Variants in GRIA2 observed in about 807,000 individuals in gnomAD.
GRIA2 encodes the protein glutamate ionotropic receptor AMPA type subunit 2.
A neutral mutation model predicts 97.3 loss-of-function variants in GRIA2; 14 were observed. The ratio of observed to expected loss-of-function variants is 0.14; its 90% CI spans 0.10 to 0.23. The LOEUF is 0.23. Among genes scored for constraint, GRIA2 ranks in the 10% least tolerant of loss-of-function variants. The probability of loss-of-function intolerance (pLI) is 1.00; values close to 1 mark genes in which losing one functional copy is unlikely to be tolerated. For missense variants in GRIA2, 558 were observed against 1,069.8 expected (o/e 0.52, Z 6.67); for synonymous variants, 412 against 387.8 (o/e 1.06, Z -0.73).
At chr4:157,355,682 T>G (rs1196316303) in intron 12 of GRIA2, among the ~76,000 whole-genome samples, 5 of 90,410 alleles carry the variant, frequency 5.5e-5, no homozygotes, top group Non-Finnish European at 7.1e-5. Flanking sequence ...ATATATTTAT[T>G]TATATATTTA....
intron 2 of GRIA2, among the ~76,000 whole-genome samples, chr4:157,231,486 C>A (rs1393984088): frequency 2.6e-5 from 4 of 152,168 alleles, no homozygotes; most frequent in Non-Finnish European, 5.9e-5. Flanking sequence ...TAACAATATG[C>A]ATTTCTCTGA....
chr4:157,355,079 T>C (rs1283939823), intron 12 of GRIA2, among the ~76,000 whole-genome samples: 2 of 152,132 alleles, frequency 1.3e-5, no homozygotes, highest in Non-Finnish European at 1.5e-5. Flanking sequence ...AAGCTAGAGC[T>C]TGAGTGAGGG....
intron 12 of GRIA2, among the ~76,000 whole-genome samples, chr4:157,357,502 G>A (rs866476221): frequency 6.6e-6 from 1 of 152,080 alleles, no homozygotes; most frequent in Admixed American, 6.6e-5. Flanking sequence ...GTTACTTTCA[G>A]TCTGATTCAG....
At chr4:157,229,180 T>C (rs1050038499) in intron 2 of GRIA2, among the ~76,000 whole-genome samples, 1 of 152,352 alleles carries the variant, frequency 6.6e-6, no homozygotes, top group African/African-American at 2.4e-5. Context: ...CTATTTGCAT[T>C]AATTTGTGCA....
intron 2 of GRIA2, among the ~76,000 whole-genome samples, chr4:157,282,728 C>T (rs1057320153): frequency 3.3e-5 from 5 of 151,872 alleles, no homozygotes; most frequent in Non-Finnish European, 5.9e-5. Context: ...TATGAAAATC[C>T]CAAACAAAAT....
At chr4:157,358,863 TA>T (rs1736510801) in intron 12 of GRIA2, among the ~76,000 whole-genome samples, 3 of 152,130 alleles carry the variant, frequency 2.0e-5, no homozygotes, top group Non-Finnish European at 2.9e-5. Flanking sequence ...TTTTGTAAGG[TA>T]AAAGTTATAT....
intron 9 of GRIA2, chr4:157,334,416 G>T (rs1735194731): frequency 4.2e-6 from 1 of 236,896 alleles, no homozygotes; most frequent in Non-Finnish European, 8.4e-6. Flanking sequence ...GTTTCTGCGA[G>T]TTATTCACCT....
intron 12 of GRIA2, among the ~76,000 whole-genome samples, chr4:157,350,195 A>C (rs1210508536): frequency 6.6e-6 from 1 of 152,118 alleles, no homozygotes; most frequent in African/African-American, 2.4e-5. Flanking sequence ...CATACTATAG[A>C]TACATCAAAT....
At chr4:157,256,212 T>A (rs1316004948) in intron 2 of GRIA2, among the ~76,000 whole-genome samples, 11 of 126,220 alleles carry the variant, frequency 8.7e-5, no homozygotes, top group Non-Finnish European at 1.4e-4. Context: ...ATATATATGT[T>A]ATATATAATA....
chr4:157,336,823 T>A, intron 11 of GRIA2, 76 bp downstream of exon 11: 3 of 1,385,672 alleles, frequency 2.2e-6, no homozygotes, highest in Non-Finnish European at 3.0e-6. Flanking sequence ...GGATTCACCC[T>A]AAAGAAGTTA....
intron 2 of GRIA2, among the ~76,000 whole-genome samples, chr4:157,289,134 G>A (rs1732976979): frequency 1.3e-5 from 2 of 151,728 alleles, no homozygotes; most frequent in African/African-American, 4.8e-5. Flanking sequence ...AACTGGTTTG[G>A]TTTTAAGTGT....
chr4:157,232,895 T>C (rs1030615095), intron 2 of GRIA2, among the ~76,000 whole-genome samples: 1 of 152,214 alleles, frequency 6.6e-6, no homozygotes, highest in East Asian at 1.9e-4. Flanking sequence ...ACAAGTTTCT[T>C]AGTCTACATC....
chr4:157,299,394 C>T (rs548995578), intron 2 of GRIA2, among the ~76,000 whole-genome samples: 2 of 152,268 alleles, frequency 1.3e-5, no homozygotes, highest in East Asian at 1.9e-4. Context: ...TTTGTTCAAA[C>T]TGCAAAGAGG....
chr4:157,242,402 G>A (rs1020563000), intron 2 of GRIA2, among the ~76,000 whole-genome samples: 3 of 151,910 alleles, frequency 2.0e-5, no homozygotes, highest in Non-Finnish European at 2.9e-5. Flanking sequence ...TTGTTGCCTC[G>A]GAAAATAAAA....
intron 3 of GRIA2, among the ~76,000 whole-genome samples, chr4:157,310,103 C>T (rs1451399259): frequency 6.6e-6 from 1 of 152,132 alleles, no homozygotes; most frequent in Non-Finnish European, 1.5e-5. Context: ...ACATTGATAG[C>T]TGTCGAATTG....
At chr4:157,240,069 A>C (rs919436068) in intron 2 of GRIA2, among the ~76,000 whole-genome samples, 2 of 151,812 alleles carry the variant, frequency 1.3e-5, no homozygotes, top group African/African-American at 4.8e-5. Flanking sequence ...TTATTTCTTC[A>C]TATGCTTTAA....
intron 2 of GRIA2, among the ~76,000 whole-genome samples, chr4:157,296,620 G>A (rs1733360263): frequency 6.6e-6 from 1 of 152,112 alleles, no homozygotes. Flanking sequence ...CCATTCAATA[G>A]ATTAGGAAGC....
At chr4:157,227,829 G>A (rs1729817069) in intron 2 of GRIA2, among the ~76,000 whole-genome samples, 1 of 152,154 alleles carries the variant, frequency 6.6e-6, no homozygotes, top group South Asian at 2.1e-4. Context: ...TGTCTCTTCA[G>A]TACAATAGGA....
At chr4:157,303,243 A>T (rs943050104) in intron 2 of GRIA2, among the ~76,000 whole-genome samples, 11 of 151,950 alleles carry the variant, frequency 7.2e-5, no homozygotes, top group African/African-American at 2.4e-4. Context: ...CTTATAGCTA[A>T]TTTTTTTTAC....
Sources: allele counts gnomAD v4.1 joint callset (sites outside exome capture counted in the v4.1 genomes callset), GRCh38; gene constraint gnomAD v4.1.1; transcripts MANE v1.5; gene names NCBI Gene and HGNC (gene_info 2026-07-23, HGNC 2026-07-21).